The following ROBO1 variants were observed in gnomAD, a reference collection of about 807,000 sequenced individuals.
ROBO1 encodes roundabout guidance receptor 1, also known as roundabout homolog 1.
In ROBO1, 149 loss-of-function variants were observed where a neutral mutation model predicts 195.9. The ratio of observed to expected loss-of-function variants is 0.76; its 90% CI spans 0.67 to 0.87. The LOEUF is 0.87. Ranked by LOEUF, ROBO1 falls within the 40% of genes least tolerant of loss-of-function variation. The pLI, the probability that ROBO1 is intolerant of heterozygous loss-of-function variation, is 0.00. For missense variants in ROBO1, 1,933 were observed against 2,068.3 expected (o/e 0.93, Z 1.27); for synonymous variants, 816 against 733.2 (o/e 1.11, Z -1.82).
chr3:78,774,606 TAAA>T (rs35336201), intron 4 of ROBO1, among the ~76,000 whole-genome samples: 1 of 53,824 alleles, frequency 1.9e-5, no homozygotes, highest in Admixed American at 2.4e-4. Flanking sequence ...ATGTTTTTAA[TAAA>T]AAAAAAAAAA....
intron 2 of ROBO1, among the ~76,000 whole-genome samples, chr3:79,282,492 C>T (rs2031587111): frequency 6.6e-6 from 1 of 152,118 alleles, no homozygotes; most frequent in South Asian, 2.1e-4. Context: ...AGAGAAGTGA[C>T]AGGAGAAGTG....
At chr3:78,934,953 C>T (rs1326739590) in intron 4 of ROBO1, among the ~76,000 whole-genome samples, 6 of 151,970 alleles carry the variant, frequency 3.9e-5, no homozygotes, top group South Asian at 2.1e-4. Flanking sequence ...TAGGTAAACA[C>T]GTGGCTACTC....
intron 28 of ROBO1, 148 bp from the exon 29 acceptor site, chr3:78,607,189 C>A: frequency 1.3e-6 from 1 of 745,064 alleles, no homozygotes; most frequent in South Asian, 2.2e-5. Flanking sequence ...GGAAAAATAC[C>A]CACAATTTTT....
rs556927998 is a variant in ROBO1 at position 79,765,925 on chromosome 3, A to ACACAC, written c.-51+1826_-51+1827insGTGTG. On this transcript the variant is annotated intron_variant, in intron 1 of 30. Coordinates refer to ENST00000464233, the MANE Select transcript of ROBO1 (RefSeq NM_002941.4). ...ACTTGGAAACAGACAACCATCTCTT[A>ACACAC]ACAGGCCTCTGTAACACACAGCTTG... Among the ~76,000 whole-genome samples the ACACAC allele has an allele frequency of 1.3e-3, 200 of 152,294 alleles. 1 individual carries two copies. Among genetic ancestry groups the ACACAC allele is most frequent in the African/African-American group, 4.5e-3 (188 of 41,570 alleles).
At chr3:78,850,357 A>G (rs889097475) in intron 4 of ROBO1, among the ~76,000 whole-genome samples, 4 of 152,350 alleles carry the variant, frequency 2.6e-5, no homozygotes, top group African/African-American at 9.6e-5. Context: ...ATACTAGTCT[A>G]TATTTTAAAA....
intron 4 of ROBO1, among the ~76,000 whole-genome samples, chr3:78,768,325 A>T (rs1321091987): frequency 6.8e-6 from 1 of 147,822 alleles, no homozygotes; most frequent in African/African-American, 2.5e-5. Context: ...ATTTTCTTAA[A>T]TTTTTTTTTT....
intron 2 of ROBO1, among the ~76,000 whole-genome samples, chr3:79,314,481 A>T (rs2109105588): frequency 6.6e-6 from 1 of 152,290 alleles, no homozygotes; most frequent in African/African-American, 2.4e-5. Flanking sequence ...GCATGTGAAG[A>T]AGGACATGTT....
chr3:79,501,125 A>AT (rs1940048233), intron 2 of ROBO1, among the ~76,000 whole-genome samples: 1 of 151,986 alleles, frequency 6.6e-6, no homozygotes, highest in Non-Finnish European at 1.5e-5. Context: ...TTTATAAGTC[A>AT]TTTTTTATTG....
chr3:78,633,225 T>C (rs972446383), intron 24 of ROBO1, among the ~76,000 whole-genome samples: 5 of 152,216 alleles, frequency 3.3e-5, no homozygotes, highest in African/African-American at 1.2e-4. Context: ...GTTCTCATTG[T>C]GGTGTGATGT....
At chr3:79,176,951 A>T (rs1414840200) in intron 2 of ROBO1, among the ~76,000 whole-genome samples, 2 of 152,208 alleles carry the variant, frequency 1.3e-5, no homozygotes, top group Non-Finnish European at 2.9e-5. Flanking sequence ...CTAATTAGAT[A>T]ATACATAGTA....
chr3:78,908,543 C>T (rs1054403023), intron 4 of ROBO1, among the ~76,000 whole-genome samples: 61 of 151,882 alleles, frequency 4.0e-4, no homozygotes, highest in African/African-American at 1.3e-3. Context: ...CTGTATTTGG[C>T]ACTAATTGTG....
intron 8 of ROBO1, among the ~76,000 whole-genome samples, chr3:78,703,314 C>T (rs1225488378): frequency 3.3e-5 from 5 of 152,120 alleles, no homozygotes; most frequent in African/African-American, 1.2e-4. Context: ...CTTATTTACG[C>T]CACTGGATCA....
At chr3:78,923,654 T>C (rs1236079302) in intron 4 of ROBO1, among the ~76,000 whole-genome samples, 1 of 152,134 alleles carries the variant, frequency 6.6e-6, no homozygotes, top group Non-Finnish European at 1.5e-5. Flanking sequence ...AAGAAGTTAC[T>C]CCTTCCTCAA....
At chr3:78,913,181 C>T (rs1388693414) in intron 4 of ROBO1, among the ~76,000 whole-genome samples, 1 of 152,014 alleles carries the variant, frequency 6.6e-6, no homozygotes, top group Non-Finnish European at 1.5e-5. Context: ...TAGAAATGTG[C>T]ATCATATTCA....
At chr3:79,656,770 G>T (rs1176995459) in intron 1 of ROBO1, among the ~76,000 whole-genome samples, 1 of 151,940 alleles carries the variant, frequency 6.6e-6, no homozygotes, top group African/African-American at 2.4e-5. Flanking sequence ...GGTGGCACAT[G>T]CCTGTAGTCC....
At chr3:79,170,681 T>C (rs1389713049) in intron 2 of ROBO1, among the ~76,000 whole-genome samples, 1 of 152,120 alleles carries the variant, frequency 6.6e-6, no homozygotes, top group Admixed American at 6.5e-5. Flanking sequence ...GTTACAGATG[T>C]TATTATTACC....
intron 2 of ROBO1, among the ~76,000 whole-genome samples, chr3:79,564,424 C>A (rs571466132): frequency 1.1e-4 from 16 of 152,022 alleles, no homozygotes; most frequent in Middle Eastern, 3.4e-3. Flanking sequence ...CTAGTGGTTT[C>A]ATAAATAAAC....
rs557151018 is a variant in ROBO1 at position 78,598,214 on chromosome 3, T to G, written c.*699A>C. Reference sequence around the variant, plus strand: ...ATGACAATGACTAGACAACCAGAGATCCAACTGGCTTAGCCCTACTTATCC... The same window carrying G: ...ATGACAATGACTAGACAACCAGAGAGCCAACTGGCTTAGCCCTACTTATCC... On this transcript the variant is annotated 3_prime_UTR_variant, in exon 31 of 31. Coordinates refer to ENST00000464233, the MANE Select transcript of ROBO1 (RefSeq NM_002941.4). 13 of 152,484 alleles carry G rather than the reference T, an allele frequency of 8.5e-5. No homozygotes were observed. The highest frequency in any genetic ancestry group is 1.6e-4 in the Non-Finnish European group (11 of 68,010). The allele number at this position is 152,484 out of a possible 1,614,324, so 9.4% of individuals were successfully genotyped here.
intron 3 of ROBO1, among the ~76,000 whole-genome samples, chr3:79,046,720 G>A (rs1233543632): frequency 6.6e-6 from 1 of 152,054 alleles, no homozygotes; most frequent in East Asian, 1.9e-4. Flanking sequence ...GCTGGCAGCT[G>A]ATTAGATGGT....
Sources: gnomAD v4.1 joint callset for allele counts (sites outside exome capture counted in the v4.1 genomes callset) on GRCh38, gnomAD v4.1.1 for gene constraint, MANE v1.5 for transcripts, NCBI Gene and HGNC (gene_info 2026-07-23, HGNC 2026-07-21) for gene names.